FAF1: variants seen among roughly 807,000 people sequenced by gnomAD.
FAF1 encodes FAS-associated factor 1.
In FAF1, 25 loss-of-function variants were observed where a neutral mutation model predicts 92.5. That is an observed-to-expected ratio of 0.27 (90% CI 0.20 to 0.38). The LOEUF is 0.38. Among genes scored for constraint, FAF1 ranks in the 10% least tolerant of loss-of-function variants. The pLI is 1.00. For synonymous variants in FAF1, 234 were observed against 273.2 expected (o/e 0.86, Z 1.42); for missense variants, 636 against 793.3 (o/e 0.80, Z 2.38).
intron 13 of FAF1, among the ~76,000 whole-genome samples, chr1:50,552,210 T>C (rs1241413049): frequency 6.6e-6 from 1 of 151,184 alleles, no homozygotes; most frequent in Non-Finnish European, 1.5e-5. Context: ...GGCAGGAGAA[T>C]AGCTTGAACC....
chr1:50,824,713 T>C (rs115461924), intron 2 of FAF1, among the ~76,000 whole-genome samples: 11 of 152,180 alleles, frequency 7.2e-5, no homozygotes, highest in Non-Finnish European at 1.5e-4. Flanking sequence ...TATCAGTGGA[T>C]GAAGAGATTT....
chr1:50,554,210 T>G (rs1048821006), intron 13 of FAF1, among the ~76,000 whole-genome samples: 6 of 151,026 alleles, frequency 4.0e-5, no homozygotes, highest in Admixed American at 6.6e-5. Flanking sequence ...AAGCATTATG[T>G]GGTAGAAAAG....
intron 15 of FAF1, 87 bp downstream of exon 15, chr1:50,535,282 C>A (rs936423586): frequency 4.7e-6 from 4 of 843,084 alleles, no homozygotes; most frequent in South Asian, 1.7e-5. Context: ...ATTTATCGAT[C>A]ATATCATAGG....
At chr1:50,782,330 A>C (rs1392320775) in intron 4 of FAF1, among the ~76,000 whole-genome samples, 1 of 152,160 alleles carries the variant, frequency 6.6e-6, no homozygotes, top group Non-Finnish European at 1.5e-5. Context: ...AGTGGAAAAC[A>C]GTGATATTGA....
Position 50,828,472 on chromosome 1 carries a change from T to C in FAF1, c.115-26795A>G, listed in dbSNP as rs112444485. ...TTTTAGTAGAGACGGGGTTTCACTG[T>C]GTTAACCAGGATGTTTTCGATCTCC... On this transcript the variant is annotated intron_variant, in intron 2 of 18. Coordinates refer to ENST00000396153, the MANE Select transcript of FAF1 (RefSeq NM_007051.3). Among the ~76,000 whole-genome samples, 790 of 152,246 alleles carry C rather than the reference T, an allele frequency of 5.2e-3. 6 individuals are homozygous for C. Among genetic ancestry groups the C allele is most frequent in the Non-Finnish European group, 7.5e-3 (513 of 68,020 alleles).
intron 1 of FAF1, among the ~76,000 whole-genome samples, chr1:50,894,018 C>A (rs1483230107): frequency 6.6e-6 from 1 of 152,112 alleles, no homozygotes; most frequent in Non-Finnish European, 1.5e-5. Context: ...TGCCAATGTT[C>A]TCTTGAAGCC....
chr1:50,651,174 A>T (rs1654846405), intron 8 of FAF1, among the ~76,000 whole-genome samples: 1 of 152,232 alleles, frequency 6.6e-6, no homozygotes, highest in Admixed American at 6.5e-5. Context: ...TCAAAGGTTA[A>T]TGAGAAGTAT....
At chr1:50,614,442 T>TA (rs1389017762) in intron 8 of FAF1, among the ~76,000 whole-genome samples, 1 of 152,198 alleles carries the variant, frequency 6.6e-6, no homozygotes, top group Admixed American at 6.5e-5. Context: ...TATGTGAGTG[T>TA]AAAAAAACAA....
intron 1 of FAF1, among the ~76,000 whole-genome samples, chr1:50,885,790 GA>G (rs752113110): frequency 3.3e-5 from 5 of 152,026 alleles, no homozygotes; most frequent in African/African-American, 4.8e-5. Context: ...TCCTTTTACA[GA>G]AGGTGACTTT....
At chr1:50,551,155 T>G (rs926430646) in intron 13 of FAF1, among the ~76,000 whole-genome samples, 1 of 152,172 alleles carries the variant, frequency 6.6e-6, no homozygotes, top group Non-Finnish European at 1.5e-5. Context: ...GTACAGAGAT[T>G]ATGAGATTAC....
At chr1:50,908,982 C>T (rs1644862053) in intron 1 of FAF1, among the ~76,000 whole-genome samples, 1 of 152,306 alleles carries the variant, frequency 6.6e-6, no homozygotes, top group African/African-American at 2.4e-5. Context: ...ATTGTCTTTA[C>T]AATTTGGCAT....
chr1:50,937,040 T>C (rs1645090587), intron 1 of FAF1, among the ~76,000 whole-genome samples: 2 of 152,054 alleles, frequency 1.3e-5, no homozygotes, highest in South Asian at 2.1e-4. Context: ...GGTAGAAAGA[T>C]TCAAGTTGAC....
At chr1:50,906,569 T>C (rs1644840563) in intron 1 of FAF1, among the ~76,000 whole-genome samples, 1 of 152,234 alleles carries the variant, frequency 6.6e-6, no homozygotes, top group African/African-American at 2.4e-5. Flanking sequence ...CAGTGGTTTG[T>C]AGTTCTCCTT....
intron 7 of FAF1, among the ~76,000 whole-genome samples, chr1:50,697,155 G>A (rs868051789): frequency 3.9e-5 from 6 of 152,036 alleles, no homozygotes; most frequent in Non-Finnish European, 5.9e-5. Context: ...CAAGATTTCC[G>A]CAAACAATTT....
chr1:50,924,739 T>C (rs1181811403), intron 1 of FAF1, among the ~76,000 whole-genome samples: 1 of 152,088 alleles, frequency 6.6e-6, no homozygotes, highest in Non-Finnish European at 1.5e-5. Flanking sequence ...ACCCAGCACT[T>C]TGGGAGGCTG....
chr1:50,692,016 G>C (rs1304614212), intron 7 of FAF1, among the ~76,000 whole-genome samples: 2 of 152,152 alleles, frequency 1.3e-5, no homozygotes, highest in Non-Finnish European at 2.9e-5. Context: ...AGGTGTATCA[G>C]ACCAGCCTGG....
At chr1:50,794,171 T>C (rs914889199) in intron 3 of FAF1, among the ~76,000 whole-genome samples, 1 of 152,202 alleles carries the variant, frequency 6.6e-6, no homozygotes, top group African/African-American at 2.4e-5. Flanking sequence ...GCCACCTTGG[T>C]AAAGTTTCTA....
At chr1:50,458,459 A>C (rs537133965) in intron 18 of FAF1, among the ~76,000 whole-genome samples, 1 of 152,206 alleles carries the variant, frequency 6.6e-6, no homozygotes, top group African/African-American at 2.4e-5. Flanking sequence ...AATAGGCACA[A>C]AAAGAAATAG....
rs564034541 is a variant in FAF1 at position 50,638,910 on chromosome 1, A to G, written c.744+16532T>C. ...TATTCCAGTTGCACAATATTCCAAT[A>G]AGCACAAACACAATTCTAATACACA... On this transcript the variant is annotated intron_variant, in intron 8 of 18. Transcript: ENST00000396153. Among the ~76,000 whole-genome samples the G allele has an allele frequency of 6.6e-5, 10 of 152,332 alleles. No homozygotes were observed. The East Asian group carries it at 9.6e-4, about 15-fold the overall frequency.
Sources: gnomAD v4.1 joint callset for allele counts (sites outside exome capture counted in the v4.1 genomes callset) on GRCh38, gnomAD v4.1.1 for gene constraint, MANE v1.5 for transcripts, NCBI Gene and HGNC (gene_info 2026-07-23, HGNC 2026-07-21) for gene names.